The following KCNMA1 variants were observed in gnomAD, a reference collection of about 807,000 sequenced individuals.
KCNMA1 encodes the protein potassium calcium-activated channel subfamily M alpha 1.
KCNMA1 carries 29 observed loss-of-function variants against 140.0 expected under a neutral mutation model. The ratio of observed to expected loss-of-function variants is 0.21; its 90% CI spans 0.15 to 0.28. KCNMA1 has a LOEUF of 0.28. Ranked by LOEUF, KCNMA1 falls within the 10% of genes least tolerant of loss-of-function variation. The pLI is 1.00. For missense variants in KCNMA1, 880 were observed against 1,602.2 expected (o/e 0.55, Z 7.70); for synonymous variants, 612 against 611.9 (o/e 1.00, Z 0.00).
At chr10:77,453,319 C>T (rs2097697453) in intron 1 of KCNMA1, among the ~76,000 whole-genome samples, 1 of 151,434 alleles carries the variant, frequency 6.6e-6, no homozygotes, top group Admixed American at 6.6e-5. Flanking sequence ...GAAATTCTAA[C>T]AAGCACAAGA....
At chr10:77,362,861 TG>T (rs2094089160) in intron 2 of KCNMA1, among the ~76,000 whole-genome samples, 8 of 152,244 alleles carry the variant, frequency 5.3e-5, no homozygotes, top group Admixed American at 5.2e-4. Flanking sequence ...TGCCTGCTGC[TG>T]TCTGGGCCAA....
chr10:77,184,713 G>A, intron 4 of KCNMA1, 110 bp downstream of exon 4: 2 of 792,180 alleles, frequency 2.5e-6, no homozygotes, highest in Non-Finnish European at 4.5e-6. Context: ...CGGGTGCGCT[G>A]TTTCTCCTGG....
chr10:77,324,289 CA>C (rs1349818226), intron 2 of KCNMA1, among the ~76,000 whole-genome samples: 5 of 152,188 alleles, frequency 3.3e-5, no homozygotes, highest in Admixed American at 1.3e-4. Context: ...CAGCTGAAAA[CA>C]TTCTTAAACT....
At chr10:77,539,308 T>C (rs189191324) in intron 1 of KCNMA1, among the ~76,000 whole-genome samples, 62 of 152,296 alleles carry the variant, frequency 4.1e-4, no homozygotes, top group South Asian at 6.2e-4. Context: ...TCCAAGATAA[T>C]GCAGAGATGG....
intron 1 of KCNMA1, among the ~76,000 whole-genome samples, chr10:77,427,269 C>T (rs1293864121): frequency 6.6e-6 from 1 of 152,226 alleles, no homozygotes; most frequent in Admixed American, 6.5e-5. Flanking sequence ...AGGACCCATT[C>T]AAAACAATGC....
At chr10:77,246,670 G>A (rs1197085191) in intron 3 of KCNMA1, among the ~76,000 whole-genome samples, 1 of 152,122 alleles carries the variant, frequency 6.6e-6, no homozygotes, top group Non-Finnish European at 1.5e-5. Context: ...CAATTTTACT[G>A]CCTGGAAAAT....
At position 77,402,208 on chromosome 10, in the gene KCNMA1, ACTC is replaced by A. The variant is rs2096290215; in HGVS notation, c.540+1651_540+1653del. 3.3e-5 allele frequency among the ~76,000 whole-genome samples: 5 copies of A among 151,932 alleles called. No homozygotes were observed. The South Asian group carries it at 1.0e-3, about 32-fold the overall frequency. On this transcript the variant is annotated intron_variant, in intron 2 of 27. Coordinates refer to ENST00000286628, the MANE Select transcript of KCNMA1 (RefSeq NM_001161352.2). ...CTCTTAAGTTTCCAATGCAGAATCC[ACTC>A]CTCTTCAAGCATGAAAGAGCAATGG... is the stretch of plus-strand genomic sequence containing the variant.
chr10:77,371,696 C>T (rs978552302), intron 2 of KCNMA1, among the ~76,000 whole-genome samples: 1 of 152,084 alleles, frequency 6.6e-6, no homozygotes, highest in Non-Finnish European at 1.5e-5. Context: ...CTGAGTTTTC[C>T]ACCCCTGTTA....
chr10:77,507,609 A>G (rs2046626586), intron 1 of KCNMA1, among the ~76,000 whole-genome samples: 1 of 152,204 alleles, frequency 6.6e-6, no homozygotes, highest in African/African-American at 2.4e-5. Flanking sequence ...GTGCCCATTC[A>G]CTGCCCAAGA....
At chr10:77,413,790 G>A (rs984161205) in intron 1 of KCNMA1, among the ~76,000 whole-genome samples, 9 of 152,168 alleles carry the variant, frequency 5.9e-5, no homozygotes, top group African/African-American at 2.2e-4. Flanking sequence ...AATTCACCTA[G>A]CAGTTACTGT....
chr10:77,425,211 A>T (rs1397979702), intron 1 of KCNMA1, among the ~76,000 whole-genome samples: 1 of 152,194 alleles, frequency 6.6e-6, no homozygotes, highest in East Asian at 1.9e-4. Flanking sequence ...CACATTATCT[A>T]TAAACACATT....
intron 1 of KCNMA1, among the ~76,000 whole-genome samples, chr10:77,549,389 G>A (rs2062200999): frequency 1.3e-5 from 2 of 152,190 alleles, no homozygotes; most frequent in African/African-American, 4.8e-5. Context: ...TCCTTCCCTA[G>A]TTCAATCATC....
chr10:77,296,983 C>T, intron 2 of KCNMA1, among the ~76,000 whole-genome samples: 1 of 151,886 alleles, frequency 6.6e-6, no homozygotes, highest in East Asian at 1.9e-4. Context: ...GTTTGTGAGC[C>T]TGGACTTCCC....
At chr10:76,997,271 C>T (rs187339603) in intron 19 of KCNMA1, among the ~76,000 whole-genome samples, 1 of 152,290 alleles carries the variant, frequency 6.6e-6, no homozygotes, top group East Asian at 1.9e-4. Context: ...TATATTTATA[C>T]CCAAAATAAA....
At chr10:77,418,636 C>T (rs1229276065) in intron 1 of KCNMA1, among the ~76,000 whole-genome samples, 1 of 152,128 alleles carries the variant, frequency 6.6e-6, no homozygotes, top group Non-Finnish European at 1.5e-5. Flanking sequence ...CTGGTCCAGC[C>T]CTACGATGAA....
chr10:77,244,061 T>C (rs1208208969), intron 3 of KCNMA1, among the ~76,000 whole-genome samples: 1 of 152,210 alleles, frequency 6.6e-6, no homozygotes, highest in East Asian at 1.9e-4. Flanking sequence ...AAAGACAATA[T>C]ATACTTTGCT....
chr10:76,910,406 A>G (rs1184288891), intron 24 of KCNMA1: 3 of 369,092 alleles, frequency 8.1e-6, no homozygotes, highest in Admixed American at 3.7e-5. Context: ...CATGACCTAA[A>G]AACACTTTCC....
intron 1 of KCNMA1, among the ~76,000 whole-genome samples, chr10:77,612,565 C>A (rs2087360719): frequency 6.6e-6 from 1 of 152,182 alleles, no homozygotes. Flanking sequence ...AGACCACATG[C>A]AACTCATAGG....
At chr10:77,173,838 G>A (rs1163695451) in intron 5 of KCNMA1, among the ~76,000 whole-genome samples, 2 of 152,048 alleles carry the variant, frequency 1.3e-5, no homozygotes, top group African/African-American at 4.8e-5. Flanking sequence ...CCAGGCTTCG[G>A]GCACTGTCAC....
Sources: gnomAD v4.1 joint callset for allele counts (sites outside exome capture counted in the v4.1 genomes callset) on GRCh38, gnomAD v4.1.1 for gene constraint, MANE v1.5 for transcripts, NCBI Gene and HGNC (gene_info 2026-07-23, HGNC 2026-07-21) for gene names.